Variants in AGBL4 observed in about 807,000 individuals in gnomAD.
AGBL4 encodes AGBL carboxypeptidase 4.
A neutral mutation model predicts 66.4 loss-of-function variants in AGBL4; 58 were observed. The observed-to-expected ratio is 0.87, with a 90% CI of 0.71 to 1.09. AGBL4 has a LOEUF of 1.09. AGBL4 is among the 50% of genes least tolerant of loss of function. The pLI is 0.00. For missense variants in AGBL4, 579 were observed against 631.0 expected (o/e 0.92, Z 0.88); for synonymous variants, 234 against 222.9 (o/e 1.05, Z -0.44).
intron 3 of AGBL4, among the ~76,000 whole-genome samples, chr1:49,328,179 A>G (rs535927926): frequency 6.6e-6 from 1 of 152,340 alleles, no homozygotes; most frequent in South Asian, 2.1e-4. Flanking sequence ...GATGAACTTA[A>G]GAATTGCTAG....
chr1:49,176,572 T>A (rs984196510), intron 4 of AGBL4, among the ~76,000 whole-genome samples: 1 of 152,172 alleles, frequency 6.6e-6, no homozygotes, highest in Non-Finnish European at 1.5e-5. Context: ...AATCCTGAAG[T>A]AATGATTTGA....
chr1:49,897,461 C>CA (rs1285589188), intron 1 of AGBL4, among the ~76,000 whole-genome samples: 1 of 151,572 alleles, frequency 6.6e-6, no homozygotes, highest in Non-Finnish European at 1.5e-5. Context: ...GAAGAGGACA[C>CA]AAAAAAGTGG....
At chr1:48,602,689 C>G (rs1300992049) in intron 9 of AGBL4, among the ~76,000 whole-genome samples, 3 of 152,094 alleles carry the variant, frequency 2.0e-5, no homozygotes, top group African/African-American at 7.2e-5. Flanking sequence ...AAAATGGTTC[C>G]TATCTGCTTT....
At chr1:49,289,442 G>C (rs7514767) in intron 3 of AGBL4, among the ~76,000 whole-genome samples, 1 of 151,910 alleles carries the variant, frequency 6.6e-6, no homozygotes, top group Non-Finnish European at 1.5e-5. Flanking sequence ...TATAAAAAGC[G>C]ATAGTGCTAT....
chr1:49,764,069 C>T (rs1652548005), intron 2 of AGBL4, among the ~76,000 whole-genome samples: 1 of 152,084 alleles, frequency 6.6e-6, no homozygotes. Context: ...CAACCCCCTA[C>T]ATCTGCTGCT....
At chr1:49,829,677 T>G (rs1571659346) in intron 2 of AGBL4, among the ~76,000 whole-genome samples, 3 of 152,296 alleles carry the variant, frequency 2.0e-5, no homozygotes, top group East Asian at 3.9e-4. Context: ...TGCAGGTTTG[T>G]TACACATTTA....
intron 4 of AGBL4, among the ~76,000 whole-genome samples, chr1:49,191,845 C>G (rs1647126467): frequency 6.6e-6 from 1 of 152,152 alleles, no homozygotes; most frequent in Non-Finnish European, 1.5e-5. Flanking sequence ...ATCACATTTT[C>G]TTTATCTAAT....
intron 4 of AGBL4, among the ~76,000 whole-genome samples, chr1:49,160,418 C>T (rs756722376): frequency 3.5e-4 from 54 of 152,132 alleles, no homozygotes; most frequent in South Asian, 1.2e-3. Flanking sequence ...ATATTGCTGC[C>T]TGATCCTTCC....
intron 3 of AGBL4, among the ~76,000 whole-genome samples, chr1:49,499,314 C>A (rs1047735618): frequency 1.1e-4 from 16 of 151,850 alleles, no homozygotes; most frequent in African/African-American, 3.9e-4. Flanking sequence ...TTATCCATTT[C>A]TCCTAAGTTA....
At chr1:49,258,551 T>C (rs1362473520) in intron 3 of AGBL4, among the ~76,000 whole-genome samples, 5 of 152,020 alleles carry the variant, frequency 3.3e-5, no homozygotes, top group Non-Finnish European at 7.4e-5. Flanking sequence ...GAAGAAAGGG[T>C]ATCAGTGATG....
intron 6 of AGBL4, among the ~76,000 whole-genome samples, chr1:48,730,854 T>C (rs537221682): frequency 6.6e-6 from 1 of 152,278 alleles, no homozygotes; most frequent in South Asian, 2.1e-4. Flanking sequence ...TGAGGCTCAT[T>C]TAGAAAACTC....
At chr1:49,822,310 C>CAT (rs1645390338) in intron 2 of AGBL4, among the ~76,000 whole-genome samples, 1 of 145,796 alleles carries the variant, frequency 6.9e-6, no homozygotes, top group Non-Finnish European at 1.5e-5. Context: ...CTTCTTTCTT[C>CAT]GTGTGTGTGT....
intron 2 of AGBL4, among the ~76,000 whole-genome samples, chr1:49,809,073 T>G (rs1464235269): frequency 4.6e-5 from 7 of 152,200 alleles, no homozygotes; most frequent in Non-Finnish European, 8.8e-5. Context: ...TGCTACCAAT[T>G]GAATAATACT....
At chr1:49,992,831 C>T (rs1190499936) in intron 1 of AGBL4, among the ~76,000 whole-genome samples, 2 of 152,164 alleles carry the variant, frequency 1.3e-5, no homozygotes, top group Non-Finnish European at 2.9e-5. Flanking sequence ...TAAACTCTCC[C>T]CAATGCTCCT....
intron 6 of AGBL4, among the ~76,000 whole-genome samples, chr1:48,793,770 A>C (rs1645606206): frequency 6.6e-6 from 1 of 151,984 alleles, no homozygotes; most frequent in South Asian, 2.1e-4. Flanking sequence ...ATTATCTCTA[A>C]GCACACTCTT....
chr1:49,577,211 A>G (rs1644454623), intron 3 of AGBL4, among the ~76,000 whole-genome samples: 1 of 152,226 alleles, frequency 6.6e-6, no homozygotes, highest in Non-Finnish European at 1.5e-5. Flanking sequence ...TCAGCAGAGG[A>G]GGATTTTAAT....
intron 4 of AGBL4, among the ~76,000 whole-genome samples, chr1:49,229,823 C>T (rs531185108): frequency 3.5e-4 from 54 of 152,258 alleles, no homozygotes; most frequent in Admixed American, 5.2e-4. Context: ...GAGGCTAAGA[C>T]GCCCTGGAAA....
chr1:48,903,573 G>A (rs138506630), intron 5 of AGBL4, among the ~76,000 whole-genome samples: 2 of 152,308 alleles, frequency 1.3e-5, no homozygotes, highest in East Asian at 3.9e-4. Flanking sequence ...TGTTGTCAGG[G>A]TTTGGTCTCT....
chr1:48,539,601 G>C (rs1644030436), intron 12 of AGBL4, 41 bp downstream of exon 12: 3 of 1,461,594 alleles, frequency 2.1e-6, no homozygotes, highest in South Asian at 2.7e-5. Context: ...ACAGCCCGTG[G>C]AGCAGAACTC....
Sources: gnomAD v4.1 joint callset for allele counts (sites outside exome capture counted in the v4.1 genomes callset) on GRCh38, gnomAD v4.1.1 for gene constraint, MANE v1.5 for transcripts, NCBI Gene and HGNC (gene_info 2026-07-23, HGNC 2026-07-21) for gene names.